Variants in VIPR2 observed in about 807,000 individuals in gnomAD.
The protein encoded by VIPR2 is vasoactive intestinal polypeptide receptor 2.
VIPR2 carries 48 observed loss-of-function variants against 58.0 expected under a neutral mutation model. That is an observed-to-expected ratio of 0.83 (90% CI 0.66 to 1.05). The LOEUF is 1.05. VIPR2 is among the 50% of genes least tolerant of loss of function. The probability of loss-of-function intolerance (pLI) is 0.00; values close to 1 mark genes in which losing one functional copy is unlikely to be tolerated. For synonymous variants in VIPR2, 243 were observed against 235.2 expected (o/e 1.03, Z -0.30); for missense variants, 534 against 558.0 (o/e 0.96, Z 0.43).
rs559043659 is a variant in VIPR2 at position 159,097,474 on chromosome 7, C to G, written c.357+6283G>C. Among the ~76,000 whole-genome samples the G allele has an allele frequency of 6.6e-6, 1 of 152,236 alleles. No homozygotes were observed. The highest frequency in any genetic ancestry group is 2.1e-4 in the South Asian group (1 of 4,824). ...GCTGAGGCCATTCCCGGGAACGCCA[C>G]ACTCCGCCCTGGCCACCTCCACCAC... On this transcript the variant is annotated intron_variant, in intron 4 of 12. Transcript: ENST00000262178. The surrounding 1 kb of genome is among the most constrained non-coding windows in gnomAD (Gnocchi z 5.3).
At chr7:159,062,410 A>G (rs1471903926) in intron 4 of VIPR2, among the ~76,000 whole-genome samples, 2 of 152,126 alleles carry the variant, frequency 1.3e-5, no homozygotes, top group East Asian at 3.9e-4. Flanking sequence ...GTTCCTTCTG[A>G]TGTTCGGACA....
rs529892952 is a variant in VIPR2, at chr7:159,097,806, G to A, written c.357+5951C>T. Among the ~76,000 whole-genome samples, 1 of 152,310 alleles carries A rather than the reference G, an allele frequency of 6.6e-6. No individual in the cohort carries two copies. The highest frequency in any genetic ancestry group is 1.9e-4 in the East Asian group (1 of 5,178). ...TGATCCCAGGAGTGGGATAGGGCGG[G>A]CAACAGGGCTTTGTGCAAAGTCACT... On this transcript the variant is annotated intron_variant, in intron 4 of 12. Coordinates refer to ENST00000262178, the MANE Select transcript of VIPR2 (RefSeq NM_003382.5). The surrounding 1 kb of genome is among the most constrained non-coding windows in gnomAD (Gnocchi z 5.3).
intron 2 of VIPR2, among the ~76,000 whole-genome samples, chr7:159,112,794 C>A (rs1016996512): frequency 1.4e-4 from 21 of 146,874 alleles, no homozygotes; most frequent in Non-Finnish European, 1.8e-4. Flanking sequence ...GGACGGGACC[C>A]GGCTGAGAGC....
chr7:159,062,529 AGTT>A (rs1855752125), intron 4 of VIPR2, among the ~76,000 whole-genome samples: 1 of 151,544 alleles, frequency 6.6e-6, no homozygotes, highest in Non-Finnish European at 1.5e-5. Flanking sequence ...CCCTCTCTGG[AGTT>A]GTTCATTCCT....
At chr7:159,065,982 TAA>T (rs1217103796) in intron 4 of VIPR2, among the ~76,000 whole-genome samples, 8 of 152,234 alleles carry the variant, frequency 5.3e-5, no homozygotes, top group Non-Finnish European at 1.0e-4. Context: ...TGTTAGAGAT[TAA>T]AAGAGGGCTG....
At chr7:159,094,471 C>A (rs995930838) in intron 4 of VIPR2, among the ~76,000 whole-genome samples, 2 of 152,332 alleles carry the variant, frequency 1.3e-5, no homozygotes, top group African/African-American at 4.8e-5. Context: ...TGCTGGGAGG[C>A]CCAGGTCGTG....
chr7:159,091,722 G>C (rs551443926), intron 4 of VIPR2, among the ~76,000 whole-genome samples: 12 of 152,332 alleles, frequency 7.9e-5, no homozygotes, highest in African/African-American at 2.9e-4. Flanking sequence ...CACAGGAGGA[G>C]GCTGGAATAC....
chr7:159,092,310 T>C (rs1021779132), intron 4 of VIPR2, among the ~76,000 whole-genome samples: 1 of 152,044 alleles, frequency 6.6e-6, no homozygotes, highest in African/African-American at 2.4e-5. Context: ...CAGGAGCGGG[T>C]CTTACCCTGT....
rs1047280198 is a variant in VIPR2 at position 159,034,874 on chromosome 7, G to A, written c.810-224C>T. Among the ~76,000 whole-genome samples the A allele has an allele frequency of 7.2e-5, 11 of 152,224 alleles. No individual in the cohort carries two copies. The East Asian group carries it at 1.9e-3, about 27-fold the overall frequency. On this transcript the variant is annotated intron_variant, in intron 8 of 12. Coordinates refer to ENST00000262178, the MANE Select transcript of VIPR2 (RefSeq NM_003382.5). ...TTGTGGGGAGGAGGAATGGAGGTGC[G>A]GCCCCAGAAGCCAGGACAAGGGCAG...
chr7:159,105,423 C>T (rs776428544), intron 3 of VIPR2, among the ~76,000 whole-genome samples: 5 of 152,314 alleles, frequency 3.3e-5, no homozygotes, highest in South Asian at 2.1e-4. Flanking sequence ...ACTTGGTGGG[C>T]GCTGCTGTTC....
chr7:159,081,678 G>A (rs1023972908), intron 4 of VIPR2, among the ~76,000 whole-genome samples: 1 of 152,124 alleles, frequency 6.6e-6, no homozygotes, highest in Non-Finnish European at 1.5e-5. Flanking sequence ...AGAGTGAACA[G>A]GCAACCTACA....
intron 2 of VIPR2, among the ~76,000 whole-genome samples, chr7:159,110,683 G>A (rs1479481777): frequency 3.5e-5 from 1 of 28,470 alleles, no homozygotes; most frequent in East Asian, 1.0e-3. Flanking sequence ...CAATGTGCTA[G>A]CCTTGGTCGG....
chr7:159,031,900 C>T lies in VIPR2; in HGVS notation c.1102-31G>A, dbSNP rs747622313. 3 of 1,613,986 alleles carry T rather than the reference C, an allele frequency of 1.9e-6. No homozygotes were observed. Among genetic ancestry groups the T allele is most frequent in the Non-Finnish European group, 2.5e-6 (3 of 1,180,048 alleles). On this transcript the variant is annotated intron_variant, in intron 11 of 12. Transcript: ENST00000262178. This position sits in a 1 kb window ranked among gnomAD's most constrained non-coding sequence, Gnocchi z 4.0. ...ATGAGAAGAGATGGTCAGGCAGGAC[C>T]CGCGCTCGGGGGAGGGCGGCCGCCT...
At chr7:159,046,972 T>C (rs940322213) in intron 5 of VIPR2, among the ~76,000 whole-genome samples, 3 of 152,216 alleles carry the variant, frequency 2.0e-5, no homozygotes, top group Admixed American at 6.5e-5. Flanking sequence ...CGGTGGCTCA[T>C]GCCTGTAATC....
chr7:159,087,402 C>T lies in VIPR2; in HGVS notation c.357+16355G>A, dbSNP rs546488988. ...TACGACTTCCCCAACAAACAATAAC[C>T]ACACTCTGCCAGGACTCTGATAGTG... On this transcript the variant is annotated intron_variant, in intron 4 of 12. Transcript: ENST00000262178. Among the ~76,000 whole-genome samples the T allele has an allele frequency of 8.9e-4, 97 of 109,596 alleles. 1 individual carries two copies. Among genetic ancestry groups the T allele is most frequent in the African/African-American group, 3.2e-3 (88 of 27,898 alleles). 71.9% of individuals were successfully genotyped at this position (109,596 alleles called of 152,430 possible).
rs550864922 is a variant in VIPR2 at position 159,041,317 on chromosome 7, A to G, written c.597+1718T>C. ...CTTTCAGGTTGAAGCAATAGGGGAG[A>G]GTAGAGAGCTGCTGCTCCAGGCCAG... On this transcript the variant is annotated intron_variant, in intron 6 of 12. Transcript: ENST00000262178. Among the ~76,000 whole-genome samples, 98 of 152,272 alleles carry G rather than the reference A, an allele frequency of 6.4e-4. 1 individual carries two copies. The highest frequency in any genetic ancestry group is 1.9e-4 in the Non-Finnish European group (13 of 68,026).
chr7:159,068,098 G>T (rs565252029), intron 4 of VIPR2, among the ~76,000 whole-genome samples: 1 of 152,226 alleles, frequency 6.6e-6, no homozygotes, highest in South Asian at 2.1e-4. Flanking sequence ...GAGGCCAGTG[G>T]TGTGTTTACT....
intron 2 of VIPR2, among the ~76,000 whole-genome samples, chr7:159,136,311 CG>C (rs59845329): frequency 0.13 from 19,790 of 152,094 alleles, 1,378 homozygotes; most frequent in Non-Finnish European, 0.16. Context: ...AATCTATTAA[CG>C]GATTAACCCA....
At chr7:159,059,371 A>C (rs1187839141) in intron 4 of VIPR2, 4 of 471,252 alleles carry the variant, frequency 8.5e-6, no homozygotes, top group African/African-American at 8.0e-5. Flanking sequence ...TAAAATAAAG[A>C]GGGAAACAAT....
Sources: allele counts gnomAD v4.1 joint callset (sites outside exome capture counted in the v4.1 genomes callset), GRCh38; gene constraint gnomAD v4.1.1; non-coding constraint Gnocchi (gnomAD v3.1); transcripts MANE v1.5; gene names NCBI Gene and HGNC (gene_info 2026-07-23, HGNC 2026-07-21).